GGA2: variants seen among roughly 807,000 people sequenced by gnomAD.
GGA2 encodes golgi associated, gamma adaptin ear containing, ARF binding protein 2, also known as ADP-ribosylation factor-binding protein GGA2.
A neutral mutation model predicts 79.5 loss-of-function variants in GGA2; 48 were observed. That is an observed-to-expected ratio of 0.60 (90% CI 0.48 to 0.77). GGA2 has a LOEUF of 0.77. Ranked by LOEUF, GGA2 falls within the 30% of genes least tolerant of loss-of-function variation. GGA2 has a pLI of 0.00. For missense variants in GGA2, 770 were observed against 774.0 expected (o/e 0.99, Z 0.06); for synonymous variants, 317 against 302.0 (o/e 1.05, Z -0.51).
At chr16:23,515,992 A>T (rs1965100394) in intron 2 of GGA2, among the ~76,000 whole-genome samples, 1 of 147,502 alleles carries the variant, frequency 6.8e-6, no homozygotes, top group Non-Finnish European at 1.5e-5. Context: ...TTACAGGCAT[A>T]AGCCATCACC....
At chr16:23,506,825 A>G (rs1288907076) in intron 1 of GGA2, among the ~76,000 whole-genome samples, 1 of 152,130 alleles carries the variant, frequency 6.6e-6, no homozygotes, top group Non-Finnish European at 1.5e-5. Context: ...TGCATGTGCA[A>G]TCATCTTGAT....
chr16:23,480,533 G>A (rs757492980), intron 10 of GGA2, 112 bp downstream of exon 10: 10 of 887,804 alleles, frequency 1.1e-5, no homozygotes, highest in South Asian at 5.7e-5. Flanking sequence ...AACAAAGGGC[G>A]AGTTCTCTCA....
intron 9 of GGA2, among the ~76,000 whole-genome samples, chr16:23,482,250 C>T (rs908026197): frequency 3.9e-5 from 6 of 152,086 alleles, no homozygotes; most frequent in South Asian, 4.2e-4. Context: ...GACGACAGAG[C>T]GAGACTCCAT....
At chr16:23,487,302 AG>A (rs748546853) in intron 6 of GGA2, among the ~76,000 whole-genome samples, 248 of 152,220 alleles carry the variant, frequency 1.6e-3, no homozygotes, top group Non-Finnish European at 3.0e-3. Context: ...TCAGTGGGGT[AG>A]GGGGATGTGG....
At chr16:23,473,252 G>A (rs1238724198) in intron 14 of GGA2, among the ~76,000 whole-genome samples, 1 of 143,702 alleles carries the variant, frequency 7.0e-6, no homozygotes, top group African/African-American at 2.5e-5. Flanking sequence ...TATATGATAA[G>A]ACAAGAAAAT....
chr16:23,494,060 T>A (rs1596989923), intron 3 of GGA2: 1 of 539,698 alleles, frequency 1.9e-6, no homozygotes, highest in African/African-American at 1.9e-5. Context: ...GCAAATGAAA[T>A]AAAACCTTCC....
chr16:23,478,776 C>A (rs746588551), intron 12 of GGA2, 107 bp downstream of exon 12: 11 of 842,456 alleles, frequency 1.3e-5, no homozygotes, highest in Non-Finnish European at 6.1e-6. Context: ...ATGATCCCAC[C>A]GGGACAGTGC....
intron 1 of GGA2, among the ~76,000 whole-genome samples, chr16:23,496,032 G>T (rs889195819): frequency 6.6e-6 from 1 of 152,162 alleles, no homozygotes; most frequent in African/African-American, 2.4e-5. Flanking sequence ...GGGCACAGTG[G>T]CTCATGCCTG....
At chr16:23,523,325 A>G (rs1965170960), upstream of GGA2, 1 of 152,254 alleles carries the variant, frequency 6.6e-6, no homozygotes, top group Admixed American at 6.5e-5. Context: ...ATGATGACTT[A>G]TAAGTCATGG....
chr16:23,512,140 G>A (rs760336438), upstream of GGA2, among the ~76,000 whole-genome samples: 4 of 152,204 alleles, frequency 2.6e-5, no homozygotes, highest in Non-Finnish European at 5.9e-5. Flanking sequence ...AAGAGACCCA[G>A]AGCCACTGAA....
chr16:23,507,833 T>TA (rs969200479), intron 1 of GGA2, among the ~76,000 whole-genome samples: 7 of 151,170 alleles, frequency 4.6e-5, no homozygotes, highest in African/African-American at 1.5e-4. Context: ...AAAATACATT[T>TA]AAAAAAAGCT....
At chr16:23,473,031 C>CAAAAAAA (rs71379682) in intron 14 of GGA2, among the ~76,000 whole-genome samples, 5 of 114,506 alleles carry the variant, frequency 4.4e-5, no homozygotes, top group African/African-American at 3.5e-5. Flanking sequence ...ACTCTGTCTC[C>CAAAAAAA]AAAAAAAAAA....
chr16:23,463,680 A>C lies in GGA2; in HGVS notation c.*3910T>G, dbSNP rs571328640. On this transcript the variant is annotated 3_prime_UTR_variant, in exon 17 of 17. Coordinates refer to ENST00000309859, the MANE Select transcript of GGA2 (RefSeq NM_015044.4). Reference sequence around the variant, plus strand: ...ACATCTTGGTGCATCGCTTGGCTTTAAAACAAACTGGGGTCAGGACATGGT... The same window carrying C: ...ACATCTTGGTGCATCGCTTGGCTTTCAAACAAACTGGGGTCAGGACATGGT... The C allele has an allele frequency of 1.3e-5, 2 of 152,216 alleles. No individual in the cohort carries two copies. The highest frequency in any genetic ancestry group is 2.9e-5 in the Non-Finnish European group (2 of 68,048). 9.4% of individuals were successfully genotyped at this position (152,216 alleles called of 1,614,324 possible). A position where few individuals can be genotyped will look rare whatever the true frequency, so the allele number is the denominator to read the frequency against.
At chr16:23,498,757 A>C (rs1964886116) in intron 1 of GGA2, among the ~76,000 whole-genome samples, 1 of 152,140 alleles carries the variant, frequency 6.6e-6, no homozygotes, top group Non-Finnish European at 1.5e-5. Context: ...GTCCTACCTA[A>C]AGAGAATGAA....
intron 10 of GGA2, 65 bp downstream of exon 10, chr16:23,480,580 T>C (rs1964634100): frequency 6.9e-7 from 1 of 1,442,178 alleles, no homozygotes; most frequent in Admixed American, 1.8e-5. Context: ...TTAGGACCCA[T>C]TTCTTTTCTG....
At position 23,493,399 on chromosome 16, in the gene GGA2, A is replaced by G; in HGVS notation, c.312T>C (p.Phe104=). 6.2e-7 allele frequency: 1 copy of G among 1,613,020 alleles called. No homozygotes were observed. Among genetic ancestry groups the G allele is most frequent in the Non-Finnish European group, 8.5e-7 (1 of 1,179,004 alleles). Residue 104 remains phenylalanine (F), a synonymous_variant, in exon 4 of 17, where the codon TTT becomes TTC. Transcript: ENST00000309859. ...GEKFHSEVAK[F]RFLNELIKVL... ...CTTTGATCAGTTCGTTCAGGAAACG[A>G]AATTTGGCCACCTCGCTGTGGAACT...
intron 14 of GGA2, among the ~76,000 whole-genome samples, chr16:23,473,625 G>A (rs1383582395): frequency 1.3e-5 from 2 of 151,916 alleles, no homozygotes; most frequent in Non-Finnish European, 1.5e-5. Context: ...ACTGCGTCTG[G>A]CCTATTCTAT....
intron 14 of GGA2, 79 bp downstream of exon 14, chr16:23,474,825 A>G: frequency 9.2e-7 from 1 of 1,091,576 alleles, no homozygotes. Context: ...ACCTCTATCA[A>G]ACTGGAGTGG....
intron 14 of GGA2, among the ~76,000 whole-genome samples, chr16:23,474,629 C>A (rs1201048850): frequency 6.6e-6 from 1 of 151,542 alleles, no homozygotes; most frequent in Non-Finnish European, 1.5e-5. Flanking sequence ...TTTTTTTCTT[C>A]CCCCCCAAAT....
Sources: allele counts gnomAD v4.1 joint callset (sites outside exome capture counted in the v4.1 genomes callset), GRCh38; gene constraint gnomAD v4.1.1; transcripts MANE v1.5; gene names NCBI Gene and HGNC (gene_info 2026-07-23, HGNC 2026-07-21).